FAM9C: variants seen among roughly 807,000 people sequenced by gnomAD.
The protein encoded by FAM9C is family with sequence similarity 9 member C.
Under a neutral mutation model 14.8 loss-of-function variants are expected in FAM9C, and 15 were observed. That is an observed-to-expected ratio of 1.02 (90% CI 0.68 to 1.56). FAM9C has a LOEUF of 1.56. FAM9C is among the 40% of genes most tolerant of loss of function. The pLI, the probability that FAM9C is intolerant of heterozygous loss-of-function variation, is 0.00. For missense variants in FAM9C, 116 were observed against 118.0 expected (o/e 0.98, Z 0.08); for synonymous variants, 45 against 37.5 (o/e 1.20, Z -0.74).
chrX:13,044,321 A>ACCCCCCC (rs748879259), intron 1 of FAM9C, among the ~76,000 whole-genome samples: 8 of 76,840 alleles, frequency 1.0e-4, no homozygotes, highest in East Asian at 4.5e-4. Context: ...TGACCCCCCG[A>ACCCCCCC]CCCCCCCCCA....
In FAM9C at chrX:13,038,485, G is replaced by T; in HGVS notation, c.457C>A (p.Gln153Lys). 8.3e-7 allele frequency: 1 copy of T among 1,203,708 alleles called. No individual in the cohort carries two copies. Among genetic ancestry groups the T allele is most frequent in the South Asian group, 1.8e-5 (1 of 55,182 alleles). The change falls in exon 7 of 8, where the codon CAA (glutamine) becomes AAA (lysine). Residue 153 changes from glutamine to lysine, a missense_variant. By Grantham distance (53) the Gln-to-Lys change is moderately conservative. Coordinates refer to ENST00000380625, the MANE Select transcript of FAM9C (RefSeq NM_174901.6). ...EEQIKIFQEQ[Q>K]KRWQQDGKGT... is the part of the protein sequence containing the mutation. ...TTCCCATCTTGTTGCCACCTCTTTTGTTGCTCTTGAAATATTTTCTAGAGG... is the reference window on the plus strand; with the variant it reads ...TTCCCATCTTGTTGCCACCTCTTTTTTTGCTCTTGAAATATTTTCTAGAGG...
At chrX:13,041,824 TA>T (rs2043530358) in intron 4 of FAM9C, 1 of 112,445 alleles carries the variant, frequency 8.9e-6, no homozygotes, top group Non-Finnish European at 1.9e-5. Context: ...AATGCTTTCC[TA>T]AACATGGTTT....
intron 4 of FAM9C, chrX:13,041,526 T>C (rs1385878534): frequency 8.9e-6 from 1 of 111,757 alleles, no homozygotes; most frequent in East Asian, 2.8e-4. Flanking sequence ...AGGACATGTT[T>C]CCGTGAAATA....
chrX:13,038,335 C>A, intron 7 of FAM9C, 81 bp downstream of exon 7: 1 of 799,271 alleles, frequency 1.3e-6, no homozygotes, highest in Non-Finnish European at 1.7e-6. Flanking sequence ...TCCATACATT[C>A]AGAAACAAGC....
chrX:13,039,778 G>T, intron 6 of FAM9C, 30 bp downstream of exon 6: 2 of 1,182,434 alleles, frequency 1.7e-6, no homozygotes, highest in Non-Finnish European at 2.3e-6. Context: ...GATACAATAG[G>T]TTAATCATAA....
intron 7 of FAM9C, chrX:13,038,164 T>C (rs1200938518): frequency 4.3e-6 from 1 of 233,045 alleles, no homozygotes; most frequent in African/African-American, 2.9e-5. Context: ...AAATTTCCAA[T>C]TTACCTTTTC....
chrX:13,038,193 A>G, intron 7 of FAM9C: 1 of 281,938 alleles, frequency 3.5e-6, no homozygotes, highest in Non-Finnish European at 6.2e-6. Context: ...AATAACTCCT[A>G]CAAAACTATT....
chrX:13,042,811 G>A (rs755742897), intron 4 of FAM9C, 107 bp downstream of exon 4: 3 of 838,751 alleles, frequency 3.6e-6, no homozygotes, highest in Non-Finnish European at 5.4e-6. Context: ...TATATGAGAA[G>A]AAGGCATTTA....
chrX:13,040,572 A>G (rs1322508204), intron 5 of FAM9C, 186 bp downstream of exon 5: 17 of 322,112 alleles, frequency 5.3e-5, no homozygotes, highest in Admixed American at 4.9e-4. Flanking sequence ...TCTAGGTAAT[A>G]TCTCTCAATT....
At chrX:13,043,945 C>T (rs1305653017) in intron 1 of FAM9C, 88 bp from the exon 2 acceptor site, 1 of 523,024 alleles carries the variant, frequency 1.9e-6, no homozygotes, top group South Asian at 2.9e-5. Flanking sequence ...AAGGGCGCCC[C>T]GGGTCTCCCG....
chrX:13,040,885 T>C lies in FAM9C; in HGVS notation c.215-13A>G, dbSNP rs2043520522. On this transcript the variant is annotated splice_polypyrimidine_tract_variant and intron_variant, in intron 4 of 7. Coordinates refer to ENST00000380625, the MANE Select transcript of FAM9C (RefSeq NM_174901.6). ...TCTTTAATGTCAGCTAGATAGTAAATGAATATGCATTAAATGTTCATGTTG... is the reference window on the plus strand; with the variant it reads ...TCTTTAATGTCAGCTAGATAGTAAACGAATATGCATTAAATGTTCATGTTG... The C allele has an allele frequency of 9.9e-7, 1 of 1,011,300 alleles. No homozygotes were observed. 83.3% of individuals were successfully genotyped at this position (1,011,300 alleles called of 1,213,427 possible).
rs1242565829 is a variant in FAM9C at position 13,044,589 on chromosome X, C to A, written c.-118G>T. 2 of 112,413 alleles carry A rather than the reference C, an allele frequency of 1.8e-5. No individual in the cohort carries two copies. Among genetic ancestry groups the A allele is most frequent in the African/African-American group, 6.5e-5 (2 of 30,993 alleles). The allele number at this position is 112,413 out of a possible 1,213,427, so 9.3% of individuals were successfully genotyped here. On this transcript the variant is annotated 5_prime_UTR_variant, in exon 1 of 8. Transcript: ENST00000380625. ...CTCAGAGGACCTGCAGAGGCTGGCACCGCGAAGCTCCTCCGAGGGCCTGGG... is the reference window on the plus strand; with the variant it reads ...CTCAGAGGACCTGCAGAGGCTGGCAACGCGAAGCTCCTCCGAGGGCCTGGG...
chrX:13,040,767 T>C lies in FAM9C; in HGVS notation c.320A>G (p.Gln107Arg). ...AAGCCAACAATCATACCTTTTTAGT[T>C]GTGTTGTTCTCAAAACATTTTTAAT... ...NRIKNVLRTT[Q>R]LKRQKRDYRI... The change falls in exon 5 of 8, where the codon CAA becomes CGA. Residue 107 changes from glutamine (Q) to arginine (R), a missense_variant. Coordinates refer to ENST00000380625, the MANE Select transcript of FAM9C (RefSeq NM_174901.6). 8.6e-7 allele frequency: 1 copy of C among 1,163,363 alleles called. No individual in the cohort carries two copies.
intron 3 of FAM9C, 77 bp from the exon 4 acceptor site, chrX:13,043,026 T>G: frequency 8.6e-7 from 1 of 1,165,387 alleles, no homozygotes; most frequent in Non-Finnish European, 1.1e-6. Flanking sequence ...AAATGTCTTG[T>G]GTGAAATGTT....
At chrX:13,041,010 AAAGC>A in intron 4 of FAM9C, 138 bp from the exon 5 acceptor site, 1 of 359,901 alleles carries the variant, frequency 2.8e-6, no homozygotes, top group Non-Finnish European at 4.7e-6. Context: ...ATCATTTCAA[AAAGC>A]AAGATTTACT....
At position 13,042,961 on chromosome X, in the gene FAM9C, A is replaced by C. The variant is rs1469829211; in HGVS notation, c.183-12T>G. On this transcript the variant is annotated splice_polypyrimidine_tract_variant and intron_variant, in intron 3 of 7. Transcript: ENST00000380625. ...CCTTGGTATCAACCCTGTAACAAAAAGTTGCAACACAATTTTAACATAATG... is the reference window on the plus strand; with the variant it reads ...CCTTGGTATCAACCCTGTAACAAAACGTTGCAACACAATTTTAACATAATG... 8.5e-7 allele frequency: 1 copy of C among 1,181,369 alleles called. No homozygotes were observed. The highest frequency in any genetic ancestry group is 1.8e-5 in the African/African-American group (1 of 55,847).
At chrX:13,040,161 G>A in intron 5 of FAM9C, 1 of 339,264 alleles carries the variant, frequency 2.9e-6, no homozygotes, top group Non-Finnish European at 3.8e-6. Context: ...AGGGTTTACT[G>A]CACTATAAAT....
chrX:13,039,748 C>T, intron 6 of FAM9C, 60 bp downstream of exon 6: 1 of 1,148,405 alleles, frequency 8.7e-7, no homozygotes, highest in East Asian at 3.1e-5. Flanking sequence ...TCTGCATGAA[C>T]TATTACTACC....
At chrX:13,039,685 C>T in intron 6 of FAM9C, 123 bp downstream of exon 6, 2 of 1,054,137 alleles carry the variant, frequency 1.9e-6, no homozygotes, top group Non-Finnish European at 2.5e-6. Flanking sequence ...TCCATGAGTC[C>T]ACTAATGGGC....
Sources: allele counts gnomAD v4.1 joint callset (sites outside exome capture counted in the v4.1 genomes callset), GRCh38; gene constraint gnomAD v4.1.1; transcripts MANE v1.5; gene names NCBI Gene and HGNC (gene_info 2026-07-23, HGNC 2026-07-21).